The following MYH9 variants were observed in gnomAD, a reference collection of about 807,000 sequenced individuals.
The protein encoded by MYH9 is myosin heavy chain 9.
Under a neutral mutation model 241.9 loss-of-function variants are expected in MYH9, and 29 were observed. The observed-to-expected ratio is 0.12, with a 90% CI of 0.09 to 0.16. MYH9 has a LOEUF of 0.16. MYH9 is among the 10% of genes least tolerant of loss of function. The pLI, the probability that MYH9 is intolerant of heterozygous loss-of-function variation, is 1.00. For missense variants in MYH9, 1,803 were observed against 2,595.5 expected, an observed-to-expected ratio of 0.69 and a Z score of 6.63; for synonymous variants, 1,047 against 1,062.6, an observed-to-expected ratio of 0.99 and a Z score of 0.29.
At chr22:36,299,690 T>C (rs1420215682) in intron 23 of MYH9, among the ~76,000 whole-genome samples, 8 of 152,334 alleles carry the variant, frequency 5.3e-5, no homozygotes, top group Admixed American at 2.6e-4. Context: ...GGCTGCTATC[T>C]GCTCCCTGGG....
At chr22:36,375,473 A>G (rs1443514840) in intron 1 of MYH9, among the ~76,000 whole-genome samples, 4 of 152,172 alleles carry the variant, frequency 2.6e-5, no homozygotes, top group Non-Finnish European at 4.4e-5. Context: ...CTGCAGCCCA[A>G]CGTTCTCTCT....
At position 36,293,270 on chromosome 22, in the gene MYH9, G is replaced by T; in HGVS notation, c.4095+59C>A. 6.2e-7 allele frequency: 1 copy of T among 1,609,500 alleles called. No individual in the cohort carries two copies. Among genetic ancestry groups the T allele is most frequent in the Non-Finnish European group, 8.5e-7 (1 of 1,178,102 alleles). Reference sequence around the variant, plus strand: ...GGGCTGTCCTGCAGTGCCCAGGCCAGTGCCCGGCCAGCAGCTCCCCAGCCT... The same window carrying T: ...GGGCTGTCCTGCAGTGCCCAGGCCATTGCCCGGCCAGCAGCTCCCCAGCCT... On this transcript the variant is annotated intron_variant, in intron 30 of 40. Transcript: ENST00000216181. The surrounding 1 kb of genome is among the most constrained non-coding windows in gnomAD (Gnocchi z 5.1).
chr22:36,387,392 G>A (rs2018370693), intron 1 of MYH9, among the ~76,000 whole-genome samples: 1 of 152,216 alleles, frequency 6.6e-6, no homozygotes, highest in Non-Finnish European at 1.5e-5. Flanking sequence ...CCGTGAGGCT[G>A]CGTCCCAGGG....
In MYH9 at chr22:36,298,974, A is replaced by G. The variant is rs1337095156; in HGVS notation, c.3045T>C (p.Ser1015=). The G allele has an allele frequency of 6.2e-7, 1 of 1,613,916 alleles. No homozygotes were observed. Among genetic ancestry groups the G allele is most frequent in the Admixed American group, 1.7e-5 (1 of 60,002 alleles). ...TGTTCTTGAGCTTGGCGAGGCTCTT[A>G]GATTTCTCCTCCTCTTCTGTGAGGT... The part of the protein sequence containing the change: ...TTNLTEEEEK[S]KSLAKLKNKH... The change falls in exon 24 of 41, where the codon TCT becomes TCC. Residue 1015 remains serine, a synonymous_variant. Transcript: ENST00000216181.
rs767633182 is a variant in MYH9, at chr22:36,292,240, C to T, written c.4096-6G>A. The T allele has an allele frequency of 6.2e-7, 1 of 1,613,738 alleles. No individual in the cohort carries two copies. The highest frequency in any genetic ancestry group is 1.1e-5 in the South Asian group (1 of 91,088). Reference sequence around the variant, plus strand: ...TTCTTTTTCATGTCGGCCACCTGGGCAGGAGCAAGGAGTAAGCAGATGCCC... The same window carrying T: ...TTCTTTTTCATGTCGGCCACCTGGGTAGGAGCAAGGAGTAAGCAGATGCCC... On this transcript the variant is annotated splice_region_variant and splice_polypyrimidine_tract_variant and intron_variant, in intron 30 of 40. Transcript: ENST00000216181.
intron 34 of MYH9, among the ~76,000 whole-genome samples, chr22:36,287,138 C>T (rs2016599303): frequency 6.6e-6 from 1 of 152,226 alleles, no homozygotes. Flanking sequence ...CATGGTGCCA[C>T]CCCTAATGCG....
At chr22:36,322,333 G>T in intron 6 of MYH9, 96 bp downstream of exon 6, 1 of 1,366,868 alleles carries the variant, frequency 7.3e-7, no homozygotes, top group Non-Finnish European at 1.0e-6. Context: ...ACCGTCCTCG[G>T]TTTTGAGGGG....
At position 36,320,865 on chromosome 22, in the gene MYH9, T is replaced by C. The variant is rs765469876; in HGVS notation, c.801A>G (p.Gln267=). The C allele has an allele frequency of 6.2e-7, 1 of 1,614,078 alleles. No homozygotes were observed. The highest frequency in any genetic ancestry group is 8.5e-7 in the Non-Finnish European group (1 of 1,179,964). ...TGTGGAAGGTCCGTTCTTCCTTGGC[T>C]TGGCGGATAGCACGAGATTTCTCCA... is the stretch of plus-strand genomic sequence containing the variant. The part of the protein sequence containing the change: ...YLLEKSRAIR[Q]AKEERTFHIF... Residue 267 remains glutamine (Q), a synonymous_variant, in exon 8 of 41, where the codon CAA becomes CAG. Transcript: ENST00000216181. This position sits in a 1 kb window ranked among gnomAD's most constrained non-coding sequence, Gnocchi z 4.8.
intron 1 of MYH9, among the ~76,000 whole-genome samples, chr22:36,363,117 C>T (rs966688912): frequency 2.1e-4 from 32 of 152,190 alleles, no homozygotes; most frequent in African/African-American, 7.7e-4. Context: ...ACCAAGTGGA[C>T]ATGCCATCGC....
intron 14 of MYH9, among the ~76,000 whole-genome samples, chr22:36,309,977 C>T (rs1276950991): frequency 5.9e-5 from 9 of 151,878 alleles, no homozygotes; most frequent in East Asian, 3.9e-4. Flanking sequence ...GGGCTGGGTG[C>T]GGTGGCTCAT....
rs564703207 is a variant in MYH9, at chr22:36,301,098, C to T, written c.2632-41G>A. ...GGAAAACACAAGCTCCTCGCAACAC[C>T]CTCAAGCCACTCCATCCTCAAGGAC... On this transcript the variant is annotated intron_variant, in intron 21 of 40. Transcript: ENST00000216181. 3 of 1,574,546 alleles carry T rather than the reference C, an allele frequency of 1.9e-6. No homozygotes were observed. In the South Asian group the frequency reaches 3.3e-5, roughly 17 times the overall value.
intron 19 of MYH9, among the ~76,000 whole-genome samples, chr22:36,303,403 G>A (rs1569535293): frequency 6.6e-6 from 1 of 151,750 alleles, no homozygotes; most frequent in African/African-American, 2.4e-5. Context: ...CACACGGTAA[G>A]GAGTCCTGGT....
In MYH9 at chr22:36,348,987, C is replaced by G. The variant is rs771947799; in HGVS notation, c.250G>C (p.Glu84Gln). 2.5e-6 allele frequency: 4 copies of G among 1,614,140 alleles called. No homozygotes were observed. The Admixed American group carries it at 6.7e-5, about 27-fold the overall frequency. ...KMNPPKFSKV[E>Q]DMAELTCLNE... ...AGGCACGTGAGCTCTGCCATGTCCT[C>G]CACCTTGGAGAACTTGGGCGGGTTC... Residue 84 changes from glutamate (E) to glutamine (Q), a missense_variant, in exon 2 of 41, where the codon GAG becomes CAG. Transcript: ENST00000216181.
At chr22:36,368,315 G>C (rs2018041121) in intron 1 of MYH9, among the ~76,000 whole-genome samples, 1 of 152,188 alleles carries the variant, frequency 6.6e-6, no homozygotes, top group Non-Finnish European at 1.5e-5. Context: ...TTTGCAGATG[G>C]GGAAACAAGG....
At chr22:36,326,749 C>A in intron 4 of MYH9, 88 bp from the exon 5 acceptor site, 1 of 1,160,436 alleles carries the variant, frequency 8.6e-7, no homozygotes, top group South Asian at 1.2e-5. Context: ...CACTGCCTCG[C>A]ATTCTGTTGG....
chr22:36,285,936 C>T lies in MYH9; in HGVS notation c.5079G>A (p.Glu1693=), dbSNP rs764369953. The T allele has an allele frequency of 1.9e-6, 3 of 1,610,948 alleles. No homozygotes were observed. The highest frequency in any genetic ancestry group is 4.5e-5 in the East Asian group (2 of 44,868). ...IQLQEELAAA[E]RAKRQAQQER... ...CCTGCTGGGCCTGGCGCTTGGCACG[C>T]TCCGCGGCTGCCAGTTCCTGCCACA... The change falls in exon 36 of 41, where the codon GAG becomes GAA. Residue 1693 remains glutamate (E), a synonymous_variant. Transcript: ENST00000216181. The surrounding 1 kb of genome is among the most constrained non-coding windows in gnomAD (Gnocchi z 7.0).
At chr22:36,297,532 C>G (rs2016807424) in intron 24 of MYH9, among the ~76,000 whole-genome samples, 1 of 152,192 alleles carries the variant, frequency 6.6e-6, no homozygotes, top group South Asian at 2.1e-4. Context: ...CAATGAGTTA[C>G]TATCTTAAAA....
chr22:36,322,318 T>C, intron 6 of MYH9, 111 bp downstream of exon 6: 1 of 1,199,818 alleles, frequency 8.3e-7, no homozygotes, highest in Non-Finnish European at 1.2e-6. Flanking sequence ...TAGCACCGAG[T>C]CTGAACCGTC....
intron 23 of MYH9, among the ~76,000 whole-genome samples, 191 bp from the exon 24 acceptor site, chr22:36,299,233 T>C (rs2016836588): frequency 6.6e-6 from 1 of 152,030 alleles, no homozygotes; most frequent in Admixed American, 6.5e-5. Flanking sequence ...AACAGCGAGG[T>C]ACGCTTCCTT....
Sources: gnomAD v4.1 joint callset for allele counts (sites outside exome capture counted in the v4.1 genomes callset) on GRCh38, gnomAD v4.1.1 for gene constraint, Gnocchi (gnomAD v3.1) non-coding constraint, MANE v1.5 for transcripts, NCBI Gene and HGNC (gene_info 2026-07-23, HGNC 2026-07-21) for gene names.